MAST4: variants seen among roughly 807,000 people sequenced by gnomAD.
MAST4 encodes the protein microtubule associated serine/threonine kinase family member 4.
MAST4 carries 89 observed loss-of-function variants against 162.7 expected under a neutral mutation model. The ratio of observed to expected loss-of-function variants is 0.55; its 90% confidence interval spans 0.46 to 0.65. MAST4 has a LOEUF of 0.65. Among genes scored for constraint, MAST4 ranks in the 30% least tolerant of loss-of-function variants. The probability of loss-of-function intolerance (pLI) is 0.00; values close to 1 mark genes in which losing one functional copy is unlikely to be tolerated. For synonymous variants in MAST4, 1,479 were observed against 1,361.1 expected, an observed-to-expected ratio of 1.09 and a Z score of -1.91; for missense variants, 3,153 against 3,374.0, an observed-to-expected ratio of 0.93 and a Z score of 1.62.
intron 26 of MAST4, among the ~76,000 whole-genome samples, chr5:67,155,967 G>A (rs764767737): frequency 6.6e-6 from 1 of 151,360 alleles, no homozygotes; most frequent in South Asian, 2.1e-4. Flanking sequence ...GGCTGAGACA[G>A]AGAATTTCTT....
intron 1 of MAST4, among the ~76,000 whole-genome samples, chr5:66,720,307 G>A (rs138061154): frequency 7.1e-4 from 108 of 151,878 alleles, no homozygotes; most frequent in African/African-American, 2.4e-3. Context: ...TGATTTTTCT[G>A]TACCATGTAA....
chr5:67,139,741 G>T (rs941865203), intron 19 of MAST4, among the ~76,000 whole-genome samples: 1 of 152,088 alleles, frequency 6.6e-6, no homozygotes, highest in Non-Finnish European at 1.5e-5. Context: ...TTTATTTTTA[G>T]CTCACGATGC....
At chr5:66,942,817 T>C (rs772353201) in intron 4 of MAST4, among the ~76,000 whole-genome samples, 1 of 152,042 alleles carries the variant, frequency 6.6e-6, no homozygotes, top group Non-Finnish European at 1.5e-5. Context: ...TCTTAGTCCA[T>C]TCAGGCAAGT....
At chr5:66,875,017 G>A (rs1447146168) in intron 3 of MAST4, among the ~76,000 whole-genome samples, 1 of 152,104 alleles carries the variant, frequency 6.6e-6, no homozygotes, top group Admixed American at 6.5e-5. Flanking sequence ...TCTGTCTGTA[G>A]CATCAAAAAA....
intron 9 of MAST4, 101 bp from the exon 10 acceptor site, chr5:67,104,264 CT>C (rs1176629045): frequency 1.1e-6 from 1 of 883,080 alleles, no homozygotes; most frequent in African/African-American, 1.7e-5. Context: ...CATTTAACAA[CT>C]TGTGGAGGTC....
intron 2 of MAST4, among the ~76,000 whole-genome samples, chr5:66,784,933 AT>A (rs1755043379): frequency 6.6e-6 from 1 of 152,236 alleles, no homozygotes; most frequent in Non-Finnish European, 1.5e-5. Context: ...TGGGTTGCAG[AT>A]TGAGCATAGC....
intron 3 of MAST4, among the ~76,000 whole-genome samples, chr5:66,851,544 T>C (rs1759313236): frequency 1.3e-5 from 2 of 152,244 alleles, no homozygotes; most frequent in Admixed American, 1.3e-4. Flanking sequence ...GTTTAATTCA[T>C]GTGAGATACT....
chr5:66,759,681 A>G (rs767600186), intron 1 of MAST4, 28 bp from the exon 2 acceptor site: 1 of 1,612,728 alleles, frequency 6.2e-7, no homozygotes, highest in East Asian at 2.2e-5. Context: ...TGCCCTAGCC[A>G]GTGATGCCAT....
At chr5:67,152,566 G>C (rs962984776) in intron 24 of MAST4, 71 bp from the exon 25 acceptor site, 122 of 1,256,248 alleles carry the variant, frequency 9.7e-5, no homozygotes, top group Non-Finnish European at 1.3e-4. Context: ...CAAGGCTCAT[G>C]GGGTGAGGGT....
chr5:66,733,230 T>A (rs1751963813), intron 1 of MAST4, among the ~76,000 whole-genome samples: 1 of 152,088 alleles, frequency 6.6e-6, no homozygotes, highest in East Asian at 1.9e-4. Flanking sequence ...TGTCTCCCTG[T>A]CTCCTCCCTC....
At position 67,164,687 on chromosome 5, in the gene MAST4, G is replaced by C. The variant is rs745842765; in HGVS notation, c.5508G>C (p.Arg1836Ser). ...GCCCCAGCCCAAGTGGTGACGTGAG[G>C]GCCTCTGTGCCACCAGTTCTCCCCA... is the stretch of plus-strand genomic sequence containing the variant. ...AQSPSPSGDV[R>S]ASVPPVLPSS... Residue 1836 changes from arginine (R) to serine (S), a missense_variant, in exon 29 of 29, where the codon AGG (arginine) becomes AGC (serine). Transcript: ENST00000403625. The surrounding 1 kb of genome is among the most constrained non-coding windows in gnomAD (Gnocchi z 5.3). 8 of 1,613,954 alleles carry C rather than the reference G, an allele frequency of 5.0e-6. No homozygotes were observed. Among genetic ancestry groups the C allele is most frequent in the Non-Finnish European group, 6.8e-6 (8 of 1,179,878 alleles).
intron 1 of MAST4, among the ~76,000 whole-genome samples, chr5:66,703,079 C>T (rs367940563): frequency 3.3e-5 from 5 of 152,112 alleles, no homozygotes; most frequent in African/African-American, 1.2e-4. Context: ...GCTCCCCTCC[C>T]CTGACGAGGT....
chr5:66,887,772 A>G (rs1458971066), intron 3 of MAST4, among the ~76,000 whole-genome samples: 1 of 152,238 alleles, frequency 6.6e-6, no homozygotes, highest in Non-Finnish European at 1.5e-5. Flanking sequence ...TAACACTGCA[A>G]TGGCAGCCAC....
At chr5:67,126,080 T>C (rs1446139049) in intron 14 of MAST4, among the ~76,000 whole-genome samples, 1 of 151,914 alleles carries the variant, frequency 6.6e-6, no homozygotes, top group African/African-American at 2.4e-5. Context: ...CTCCCACTTT[T>C]TGACGGAGTT....
At chr5:66,936,682 G>A (rs1742784911) in intron 4 of MAST4, among the ~76,000 whole-genome samples, 1 of 152,114 alleles carries the variant, frequency 6.6e-6, no homozygotes, top group Non-Finnish European at 1.5e-5. Flanking sequence ...AGGTCACAGG[G>A]GATATGATGG....
intron 1 of MAST4, among the ~76,000 whole-genome samples, chr5:66,693,790 CAA>C (rs67748398): frequency 6.6e-5 from 10 of 151,758 alleles, no homozygotes; most frequent in Non-Finnish European, 1.5e-4. Context: ...CTTTAGAGAG[CAA>C]AAAAAACTGT....
chr5:66,599,204 A>C (rs1742395821), intron 1 of MAST4, among the ~76,000 whole-genome samples: 1 of 152,196 alleles, frequency 6.6e-6, no homozygotes, highest in Non-Finnish European at 1.5e-5. Flanking sequence ...GTTGAAGTCC[A>C]GTGTGCATTT....
At chr5:67,005,379 TTGTC>T (rs984840584) in intron 4 of MAST4, among the ~76,000 whole-genome samples, 1 of 152,190 alleles carries the variant, frequency 6.6e-6, no homozygotes, top group Non-Finnish European at 1.5e-5. Flanking sequence ...AGGAGATACT[TTGTC>T]TAAGTCTGTC....
intron 11 of MAST4, among the ~76,000 whole-genome samples, chr5:67,111,720 ACAACAGCAGATATAC>A (rs1417882473): frequency 1.3e-5 from 2 of 152,234 alleles, no homozygotes. Context: ...GTTTTTCTGG[ACAACAGCAGATATAC>A]TAAGAGCAGA....
Sources: gnomAD v4.1 joint callset for allele counts (sites outside exome capture counted in the v4.1 genomes callset) on GRCh38, gnomAD v4.1.1 for gene constraint, Gnocchi (gnomAD v3.1) non-coding constraint, MANE v1.5 for transcripts, NCBI Gene and HGNC (gene_info 2026-07-23, HGNC 2026-07-21) for gene names.